Variants in ROBO2 observed in about 807,000 individuals in gnomAD.
ROBO2 encodes roundabout homolog 2.
A neutral mutation model predicts 160.8 loss-of-function variants in ROBO2; 53 were observed. The ratio of observed to expected loss-of-function variants is 0.33; its 90% CI spans 0.26 to 0.41. The LOEUF is 0.41. ROBO2 is among the 10% of genes least tolerant of loss of function. The probability of loss-of-function intolerance (pLI) is 1.00; values close to 1 mark genes in which losing one functional copy is unlikely to be tolerated. For synonymous variants in ROBO2, 664 were observed against 611.7 expected (o/e 1.09, Z -1.26); for missense variants, 1,577 against 1,722.4 (o/e 0.92, Z 1.49).
rs533073321 is a variant in ROBO2 at position 76,968,372 on chromosome 3, A to G, written c.110-129642A>G. Among the ~76,000 whole-genome samples the G allele has an allele frequency of 4.6e-5, 7 of 152,294 alleles. No individual in the cohort carries two copies. The South Asian group carries it at 1.2e-3, about 27-fold the overall frequency. Reference sequence around the variant, plus strand: ...TAACATATATCAACATGTAGTTAGTATATGTAACAGATATTAAAATTGTGT... The same window carrying G: ...TAACATATATCAACATGTAGTTAGTGTATGTAACAGATATTAAAATTGTGT... On this transcript the variant is annotated intron_variant, in intron 2 of 26. Coordinates refer to the ROBO2 transcript ENST00000487694.
chr3:77,313,756 G>T (rs71322790), intron 2 of ROBO2, among the ~76,000 whole-genome samples: 2,261 of 152,066 alleles, frequency 0.015, 23 homozygotes, highest in South Asian at 0.033. Context: ...AGCTAATTTT[G>T]TATTTTTAGT....
At chr3:77,382,950 C>CT (rs1327140899) in intron 2 of ROBO2, among the ~76,000 whole-genome samples, 2 of 151,994 alleles carry the variant, frequency 1.3e-5, no homozygotes, top group South Asian at 2.1e-4. Context: ...CAACAAAATA[C>CT]TTTTTTTTAA....
intron 1 of ROBO2, among the ~76,000 whole-genome samples, chr3:75,918,585 C>T (rs140738009): frequency 7.2e-5 from 11 of 152,168 alleles, no homozygotes; most frequent in African/African-American, 2.7e-4. Context: ...TCAATGGTAG[C>T]TTGATGGGAA....
chr3:76,932,597 A>T (rs1375210592), intron 2 of ROBO2, among the ~76,000 whole-genome samples: 3 of 152,192 alleles, frequency 2.0e-5, no homozygotes, highest in African/African-American at 7.2e-5. Flanking sequence ...ACTGTGGCAC[A>T]AAAGTACATC....
intron 25 of ROBO2, among the ~76,000 whole-genome samples, chr3:77,645,320 G>A (rs1036700761): frequency 1.3e-5 from 2 of 151,878 alleles, no homozygotes; most frequent in Admixed American, 1.3e-4. Flanking sequence ...TTTAAATTTG[G>A]GTAGTCACCC....
intron 4 of ROBO2, among the ~76,000 whole-genome samples, chr3:77,484,502 A>G (rs1430830390): frequency 1.9e-5 from 2 of 103,872 alleles, no homozygotes; most frequent in African/African-American, 9.1e-5. Context: ...CTCTTGCCCC[A>G]ACACAAACAC....
At chr3:76,657,794 A>G (rs1466835419) in intron 2 of ROBO2, among the ~76,000 whole-genome samples, 1 of 147,646 alleles carries the variant, frequency 6.8e-6, no homozygotes, top group Non-Finnish European at 1.5e-5. Flanking sequence ...ATATATGTTC[A>G]TATATATGTG....
intron 2 of ROBO2, among the ~76,000 whole-genome samples, chr3:75,944,489 A>C (rs1948194471): frequency 6.6e-6 from 1 of 152,146 alleles, no homozygotes; most frequent in Non-Finnish European, 1.5e-5. Flanking sequence ...ATGAATTTCA[A>C]AGTTGCCAAC....
At chr3:76,523,549 T>C (rs1158946543) in intron 2 of ROBO2, among the ~76,000 whole-genome samples, 1 of 152,156 alleles carries the variant, frequency 6.6e-6, no homozygotes, top group Admixed American at 6.6e-5. Context: ...CTCAAACTTC[T>C]CTGATGTAGT....
At chr3:76,797,911 T>C (rs2063822000) in intron 2 of ROBO2, among the ~76,000 whole-genome samples, 1 of 151,494 alleles carries the variant, frequency 6.6e-6, no homozygotes, top group Non-Finnish European at 1.5e-5. Flanking sequence ...CAATAACAAA[T>C]AACAATCAAA....
chr3:76,464,029 G>A (rs144965201), intron 2 of ROBO2, among the ~76,000 whole-genome samples: 65 of 152,238 alleles, frequency 4.3e-4, no homozygotes, highest in African/African-American at 1.5e-3. Flanking sequence ...AATAGGAGTT[G>A]GAAAGAGAAA....
chr3:76,164,141 G>C (rs1023815696), intron 2 of ROBO2, among the ~76,000 whole-genome samples: 20 of 152,112 alleles, frequency 1.3e-4, no homozygotes, highest in African/African-American at 4.6e-4. Flanking sequence ...CACTCTCTTT[G>C]CTCATCCATA....
chr3:77,138,989 G>C (rs1350022205), intron 2 of ROBO2, among the ~76,000 whole-genome samples: 2 of 152,050 alleles, frequency 1.3e-5, no homozygotes, highest in Non-Finnish European at 2.9e-5. Flanking sequence ...TAGCAACCGC[G>C]CTGTTTTTAA....
intron 2 of ROBO2, among the ~76,000 whole-genome samples, chr3:76,040,017 A>G (rs931423607): frequency 5.3e-5 from 8 of 151,984 alleles, no homozygotes; most frequent in African/African-American, 1.9e-4. Flanking sequence ...GTAGGTTTTT[A>G]ATGACTTCTT....
chr3:76,134,552 ATC>A (rs2106703474), intron 2 of ROBO2, among the ~76,000 whole-genome samples: 1 of 152,200 alleles, frequency 6.6e-6, no homozygotes, highest in Non-Finnish European at 1.5e-5. Context: ...CGATCAGAGA[ATC>A]TCTCTCCTGC....
At chr3:76,759,595 A>G (rs1045529357) in intron 2 of ROBO2, among the ~76,000 whole-genome samples, 6 of 151,798 alleles carry the variant, frequency 4.0e-5, no homozygotes, top group African/African-American at 1.4e-4. Context: ...ATGCAGAAAC[A>G]TGAAAGGGAT....
chr3:77,217,480 A>G (rs1258778618), intron 2 of ROBO2, among the ~76,000 whole-genome samples: 1 of 152,156 alleles, frequency 6.6e-6, no homozygotes, highest in Non-Finnish European at 1.5e-5. Flanking sequence ...AGCATACTTA[A>G]TGTCAGCATG....
At chr3:77,077,711 C>G (rs1310055470) in intron 1 of ROBO2, among the ~76,000 whole-genome samples, 1 of 152,210 alleles carries the variant, frequency 6.6e-6, no homozygotes, top group Non-Finnish European at 1.5e-5. Context: ...GTCCTCTTGA[C>G]TATTCATATA....
At chr3:76,697,166 A>G (rs1294640249) in intron 2 of ROBO2, among the ~76,000 whole-genome samples, 1 of 152,182 alleles carries the variant, frequency 6.6e-6, no homozygotes, top group Non-Finnish European at 1.5e-5. Context: ...AATGTGTTCA[A>G]ATTCATAAGA....
Sources: allele counts gnomAD v4.1 joint callset (sites outside exome capture counted in the v4.1 genomes callset), GRCh38; gene constraint gnomAD v4.1.1; transcripts MANE v1.5; gene names NCBI Gene and HGNC (gene_info 2026-07-23, HGNC 2026-07-21).